The following FOXP1 variants were observed in gnomAD, a reference collection of about 807,000 sequenced individuals.
FOXP1 encodes forkhead box P1, also known as forkhead box protein P1.
Under a neutral mutation model 98.2 loss-of-function variants are expected in FOXP1, and 15 were observed. The ratio of observed to expected loss-of-function variants is 0.15; its 90% CI spans 0.10 to 0.24. The LOEUF (loss-of-function observed/expected upper bound fraction) is 0.24, where lower values mean the gene tolerates loss of function less well. Ranked by LOEUF, FOXP1 falls within the 10% of genes least tolerant of loss-of-function variation. The probability of loss-of-function intolerance (pLI) is 1.00; values close to 1 mark genes in which losing one functional copy is unlikely to be tolerated. For missense variants in FOXP1, 633 were observed against 848.5 expected, an observed-to-expected ratio of 0.75 and a Z score of 3.15; for synonymous variants, 371 against 314.5, an observed-to-expected ratio of 1.18 and a Z score of -1.90.
chr3:71,475,428 T>A (rs980846364), intron 3 of FOXP1, among the ~76,000 whole-genome samples: 1 of 152,114 alleles, frequency 6.6e-6, no homozygotes, highest in South Asian at 2.1e-4. Flanking sequence ...GTGGTAAATG[T>A]CAACCCATGA....
intron 4 of FOXP1, among the ~76,000 whole-genome samples, chr3:71,344,919 T>C (rs2077232883): frequency 6.6e-6 from 1 of 152,180 alleles, no homozygotes; most frequent in Non-Finnish European, 1.5e-5. Flanking sequence ...TCCAGGAACA[T>C]TACTTAGTGC....
At chr3:71,518,259 A>G (rs1334058988) in intron 2 of FOXP1, among the ~76,000 whole-genome samples, 1 of 152,202 alleles carries the variant, frequency 6.6e-6, no homozygotes, top group African/African-American at 2.4e-5. Context: ...AGCAGCAAAA[A>G]GATTCCCTGA....
rs374877454 is a variant in FOXP1, at chr3:71,287,702, C to T, written c.-12+12118G>A. The stretch of plus-strand genomic sequence containing the variant: ...GGTTGAGGCAGGAGAATCACTTGAA[C>T]CTGGGAGGTGGAGGTTGCAGTGAGC... On this transcript the variant is annotated intron_variant, in intron 5 of 20. Coordinates refer to ENST00000649528, the MANE Select transcript of FOXP1 (RefSeq NM_001349338.3). 2.0e-5 allele frequency among the ~76,000 whole-genome samples: 3 copies of T among 151,786 alleles called. No individual in the cohort carries two copies. In the East Asian group the frequency reaches 5.9e-4, roughly 30 times the overall value.
chr3:71,414,541 G>C (rs1263444657), intron 3 of FOXP1, among the ~76,000 whole-genome samples: 2 of 152,338 alleles, frequency 1.3e-5, no homozygotes, highest in East Asian at 3.9e-4. Context: ...GTAAGATTTA[G>C]GTCTCACTTC....
chr3:71,174,700 G>A (rs2061826699), intron 6 of FOXP1, among the ~76,000 whole-genome samples: 1 of 151,362 alleles, frequency 6.6e-6, no homozygotes, highest in South Asian at 2.1e-4. Context: ...ATGTGAGTCT[G>A]GATCATCTAA....
intron 2 of FOXP1, among the ~76,000 whole-genome samples, chr3:71,499,608 C>T (rs917076235): frequency 5.3e-5 from 8 of 152,254 alleles, no homozygotes; most frequent in Non-Finnish European, 7.3e-5. Flanking sequence ...TCGGGTCCCA[C>T]GTGCCACAGC....
intron 6 of FOXP1, among the ~76,000 whole-genome samples, chr3:71,118,630 T>C (rs1051791339): frequency 4.6e-5 from 7 of 152,216 alleles, no homozygotes; most frequent in Admixed American, 1.3e-4. Flanking sequence ...AAGTTTCTAG[T>C]CACGGGTCAG....
intron 12 of FOXP1, among the ~76,000 whole-genome samples, chr3:71,007,392 CA>C (rs1392010073): frequency 5.3e-5 from 8 of 152,142 alleles, no homozygotes; most frequent in African/African-American, 1.9e-4. Flanking sequence ...CACTGCAGAA[CA>C]TTCAGGCGTG....
chr3:71,555,926 AAAG>A (rs2046094011), intron 2 of FOXP1, among the ~76,000 whole-genome samples: 1 of 152,144 alleles, frequency 6.6e-6, no homozygotes, highest in South Asian at 2.1e-4. Flanking sequence ...GGAGGAAGAG[AAAG>A]AAGAGGAGGA....
intron 11 of FOXP1, among the ~76,000 whole-genome samples, chr3:71,029,795 T>C (rs909401011): frequency 6.6e-6 from 1 of 152,238 alleles, no homozygotes; most frequent in Non-Finnish European, 1.5e-5. Flanking sequence ...TGTTTGTTTT[T>C]CTGATTAGCT....
chr3:71,504,427 G>A (rs979520774), intron 2 of FOXP1, among the ~76,000 whole-genome samples: 1 of 152,186 alleles, frequency 6.6e-6, no homozygotes, highest in Non-Finnish European at 1.5e-5. Context: ...ACGCTCATCT[G>A]ACCCACTGCC....
chr3:71,039,170 C>A (rs1050586903), intron 11 of FOXP1, among the ~76,000 whole-genome samples: 2 of 151,908 alleles, frequency 1.3e-5, no homozygotes, highest in African/African-American at 4.8e-5. Flanking sequence ...ATAGTTGCTT[C>A]TTTTTTGCAT....
chr3:71,550,029 T>C (rs1300031889), intron 2 of FOXP1, among the ~76,000 whole-genome samples: 1 of 152,118 alleles, frequency 6.6e-6, no homozygotes, highest in Non-Finnish European at 1.5e-5. Context: ...GTCAGACAAG[T>C]TCATTGTATA....
At chr3:71,055,969 GA>G (rs2050576505) in intron 7 of FOXP1, among the ~76,000 whole-genome samples, 1 of 152,134 alleles carries the variant, frequency 6.6e-6, no homozygotes, top group South Asian at 2.1e-4. Context: ...AGTTAGAGCA[GA>G]AATCATGATA....
intron 4 of FOXP1, among the ~76,000 whole-genome samples, chr3:71,338,942 G>A (rs1008945416): frequency 3.9e-5 from 6 of 152,138 alleles, no homozygotes; most frequent in African/African-American, 1.4e-4. Flanking sequence ...TGCCTATCTA[G>A]CAAAGAACAC....
At chr3:71,281,316 C>T (rs768059270) in intron 5 of FOXP1, among the ~76,000 whole-genome samples, 9 of 152,124 alleles carry the variant, frequency 5.9e-5, no homozygotes, top group Non-Finnish European at 1.0e-4. Context: ...ACCATGTGCG[C>T]GTGCACACAC....
chr3:71,294,846 T>G (rs1281328074), intron 5 of FOXP1, among the ~76,000 whole-genome samples: 1 of 152,072 alleles, frequency 6.6e-6, no homozygotes. Context: ...ACTCTTTTGA[T>G]CAAAAGAAAA....
intron 7 of FOXP1, among the ~76,000 whole-genome samples, chr3:71,099,740 A>G (rs2056796447): frequency 6.6e-6 from 1 of 152,206 alleles, no homozygotes; most frequent in Non-Finnish European, 1.5e-5. Flanking sequence ...GTCAGACACC[A>G]GAGGCCATGG....
intron 3 of FOXP1, among the ~76,000 whole-genome samples, chr3:71,424,326 T>TTTGCAAGCTCTGGCGATG (rs2083923678): frequency 6.6e-6 from 1 of 152,174 alleles, no homozygotes; most frequent in African/African-American, 2.4e-5. Flanking sequence ...ATGTCCATCT[T>TTTGCAAGCTCTGGCGATG]TTGCAAGCTC....
Sources: allele counts gnomAD v4.1 joint callset (sites outside exome capture counted in the v4.1 genomes callset), GRCh38; gene constraint gnomAD v4.1.1; transcripts MANE v1.5; gene names NCBI Gene and HGNC (gene_info 2026-07-23, HGNC 2026-07-21).